Variants in SUGCT observed in about 807,000 individuals in gnomAD.
SUGCT encodes the protein succinyl-CoA:glutarate CoA-transferase.
Under a neutral mutation model 55.0 loss-of-function variants are expected in SUGCT, and 41 were observed. That is an observed-to-expected ratio of 0.74 (90% CI 0.58 to 0.97). The LOEUF (loss-of-function observed/expected upper bound fraction) is 0.97. Ranked by LOEUF, SUGCT falls within the 50% of genes least tolerant of loss-of-function variation. The probability of loss-of-function intolerance (pLI) is 0.00; values close to 1 mark genes in which losing one functional copy is unlikely to be tolerated. For synonymous variants in SUGCT, 187 were observed against 200.4 expected (o/e 0.93, Z 0.56); for missense variants, 568 against 547.8 (o/e 1.04, Z -0.37).
chr7:40,183,495 A>G (rs554249104), intron 3 of SUGCT, among the ~76,000 whole-genome samples: 18 of 152,186 alleles, frequency 1.2e-4, no homozygotes, highest in South Asian at 2.1e-4. Context: ...ATGTACCACC[A>G]TGCCCAGCTA....
intron 12 of SUGCT, among the ~76,000 whole-genome samples, chr7:40,502,114 T>C (rs920461986): frequency 2.6e-5 from 4 of 152,104 alleles, no homozygotes; most frequent in African/African-American, 9.6e-5. Context: ...TTTTGATGTC[T>C]TATAACATTA....
chr7:40,186,643 C>T (rs1450613079), intron 3 of SUGCT, among the ~76,000 whole-genome samples: 1 of 152,152 alleles, frequency 6.6e-6, no homozygotes, highest in Non-Finnish European at 1.5e-5. Flanking sequence ...GTATACTCTT[C>T]TTTTTGTAGA....
chr7:40,379,614 A>G (rs751883849), intron 9 of SUGCT, among the ~76,000 whole-genome samples: 26 of 152,270 alleles, frequency 1.7e-4, no homozygotes, highest in Non-Finnish European at 2.6e-4. Flanking sequence ...TGTCTTCTCA[A>G]TTAGCTTGGT....
chr7:40,463,750 T>G (rs187668116), intron 11 of SUGCT, among the ~76,000 whole-genome samples: 32 of 152,322 alleles, frequency 2.1e-4, no homozygotes, highest in African/African-American at 6.7e-4. Context: ...GCAAGTCTTT[T>G]TTATTAATCT....
At chr7:40,406,474 A>G (rs1786377147) in intron 9 of SUGCT, among the ~76,000 whole-genome samples, 1 of 152,190 alleles carries the variant, frequency 6.6e-6, no homozygotes, top group Non-Finnish European at 1.5e-5. Context: ...ACTATAAAGT[A>G]AATTCCTCTC....
At position 40,564,391 on chromosome 7, in the gene SUGCT, AT is replaced by A. The variant is rs559796965; in HGVS notation, c.1089+68006del. Among the ~76,000 whole-genome samples, 4 of 152,366 alleles carry A rather than the reference AT, an allele frequency of 2.6e-5. No individual in the cohort carries two copies. The East Asian group carries it at 7.7e-4, about 29-fold the overall frequency. ...CAGAGCGAGACTCCGTCTCAAAAAAATAAATAAATAAAATAAAATAAATGCA... is the reference window on the plus strand; with the variant it reads ...CAGAGCGAGACTCCGTCTCAAAAAAAAAATAAATAAAATAAAATAAATGCA... On this transcript the variant is annotated intron_variant, in intron 12 of 13. Transcript: ENST00000335693.
intron 1 of SUGCT, among the ~76,000 whole-genome samples, chr7:40,149,282 A>G (rs1018523868): frequency 6.6e-6 from 1 of 152,212 alleles, no homozygotes. Context: ...TGAGATAGTG[A>G]AAGAGATCTA....
chr7:40,958,113 C>G, the SUGCT span, among the ~76,000 whole-genome samples: 1 of 152,038 alleles, frequency 6.6e-6, no homozygotes, highest in African/African-American at 2.4e-5. Context: ...TCATTTCAAC[C>G]TTGGTGAATC....
chr7:40,448,959 TATAG>T lies in SUGCT; in HGVS notation c.817-326_817-323del, dbSNP rs1245552474. Among the ~76,000 whole-genome samples the T allele has an allele frequency of 2.5e-3, 373 of 148,900 alleles. 3 individuals are homozygous for T. The highest frequency in any genetic ancestry group is 9.0e-3 in the African/African-American group (356 of 39,766). On this transcript the variant is annotated intron_variant, in intron 9 of 13. Transcript: ENST00000335693. ...GTGTGTGTGTGTGTGTGTATATATATATAGAGAGAGAGAGAGAGAGAGAGAAAGA... is the reference window on the plus strand; with the variant it reads ...GTGTGTGTGTGTGTGTGTATATATATAGAGAGAGAGAGAGAGAGAGAAAGA...
intron 12 of SUGCT, among the ~76,000 whole-genome samples, chr7:40,625,022 A>T (rs1265114458): frequency 6.6e-6 from 1 of 152,018 alleles, no homozygotes; most frequent in Non-Finnish European, 1.5e-5. Context: ...AGCTGAGGTC[A>T]TCCTTGTCTC....
intron 6 of SUGCT, among the ~76,000 whole-genome samples, chr7:40,201,272 T>C (rs1375200409): frequency 6.6e-6 from 1 of 151,978 alleles, no homozygotes. Context: ...TGGAGTAAAA[T>C]GGGATAACAA....
At chr7:40,827,874 T>C (rs755391210) in intron 13 of SUGCT, among the ~76,000 whole-genome samples, 1 of 152,048 alleles carries the variant, frequency 6.6e-6, no homozygotes, top group Non-Finnish European at 1.5e-5. Flanking sequence ...AGCGTGTCTC[T>C]TGGTGGGGTT....
intron 8 of SUGCT, among the ~76,000 whole-genome samples, chr7:40,283,751 A>G (rs1793124920): frequency 6.6e-6 from 1 of 152,192 alleles, no homozygotes; most frequent in Admixed American, 6.5e-5. Context: ...GCCGTTATGG[A>G]AAACAGTATG....
intron 9 of SUGCT, among the ~76,000 whole-genome samples, chr7:40,384,212 A>G (rs1039464550): frequency 2.0e-5 from 3 of 152,282 alleles, no homozygotes; most frequent in African/African-American, 4.8e-5. Context: ...TGGTAAGTGC[A>G]TTGGGTGGAG....
At chr7:40,914,469 G>T in the SUGCT span, among the ~76,000 whole-genome samples, 7 of 151,858 alleles carry the variant, frequency 4.6e-5, no homozygotes, top group Non-Finnish European at 5.9e-5. Flanking sequence ...GGGCTTTTCA[G>T]TTTTGTCACC....
At chr7:41,003,966 C>G in the SUGCT span, among the ~76,000 whole-genome samples, 678 of 152,248 alleles carry the variant, frequency 4.5e-3, 14 homozygotes, top group Admixed American at 0.03. Context: ...GGTATAGATA[C>G]AGTTAAAATA....
In SUGCT at chr7:40,860,375, G is replaced by A. The variant is rs778799455; in HGVS notation, c.1213G>A (p.Gly405Arg). The A allele has an allele frequency of 1.2e-5, 19 of 1,613,816 alleles. No individual in the cohort carries two copies. The highest frequency in any genetic ancestry group is 6.7e-5 in the African/African-American group (5 of 74,926). ...MSEARPPPLL[G>R]QHTTHILKEV... ...AGAGGCCAGGCCGCCCCCGCTGCTC[G>A]GGCAGCACACAACGCACATCCTGAA... The change falls in exon 14 of 14, where the codon GGG (glycine) becomes AGG (arginine). Residue 405 changes from glycine to arginine, a missense_variant. Transcript: ENST00000335693.
In SUGCT at chr7:40,212,103, A is replaced by G. The variant is rs537269657; in HGVS notation, c.484+17043A>G. Among the ~76,000 whole-genome samples, 4 of 150,238 alleles carry G rather than the reference A, an allele frequency of 2.7e-5. No individual in the cohort carries two copies. In the East Asian group the frequency reaches 5.9e-4, roughly 22 times the overall value. On this transcript the variant is annotated intron_variant, in intron 6 of 13. Coordinates refer to ENST00000335693, the MANE Select transcript of SUGCT (RefSeq NM_001193313.2). ...CAGAGAGTAATTCTGTTTTTTTTTT[A>G]AGACAGGATCTCACTCTTTTGTCCA...
intron 10 of SUGCT, among the ~76,000 whole-genome samples, chr7:40,458,666 G>A (rs1789617710): frequency 6.6e-6 from 1 of 152,016 alleles, no homozygotes; most frequent in South Asian, 2.1e-4. Context: ...TATCTACAAG[G>A]TACATGTTGA....
Sources: allele counts gnomAD v4.1 joint callset (sites outside exome capture counted in the v4.1 genomes callset), GRCh38; gene constraint gnomAD v4.1.1; transcripts MANE v1.5; gene names NCBI Gene and HGNC (gene_info 2026-07-23, HGNC 2026-07-21).